EIF2B2: variants seen among roughly 807,000 people sequenced by gnomAD.
EIF2B2 encodes eukaryotic translation initiation factor 2B subunit beta.
Under a neutral mutation model 34.7 loss-of-function variants are expected in EIF2B2, and 34 were observed. That is an observed-to-expected ratio of 0.98 (90% CI 0.75 to 1.31). EIF2B2 has a LOEUF of 1.31. EIF2B2 is among the 50% of genes most tolerant of loss of function. The probability of loss-of-function intolerance (pLI) is 0.00; values close to 1 mark genes in which losing one functional copy is unlikely to be tolerated. For synonymous variants in EIF2B2, 155 were observed against 171.6 expected, an observed-to-expected ratio of 0.90 and a Z score of 0.76; for missense variants, 361 against 447.7, an observed-to-expected ratio of 0.81 and a Z score of 1.75.
chr14:75,005,008 G>C, intron 4 of EIF2B2, 108 bp downstream of exon 4: 1 of 1,134,100 alleles, frequency 8.8e-7, no homozygotes, highest in Non-Finnish European at 1.3e-6. Context: ...AAGACTTTGA[G>C]ACACTGAGAA....
chr14:75,006,596 CCATCCTGGCCAATG>C lies in EIF2B2; in HGVS notation c.714_727del (p.Ile239GlyfsTer38). 1 of 1,614,140 alleles carries C rather than the reference CCATCCTGGCCAATG, an allele frequency of 6.2e-7. No individual in the cohort carries two copies. Among genetic ancestry groups the C allele is most frequent in the Non-Finnish European group, 8.5e-7 (1 of 1,180,044 alleles). ...CCAAAGGTGATCATTGGCACGAAGA[CCATCCTGGCCAATG>C]GGGCCCTGAGAGCTGTGACAGGAAC... On this transcript the variant is annotated frameshift_variant, in exon 6 of 8. Coordinates refer to ENST00000266126, the MANE Select transcript of EIF2B2 (RefSeq NM_014239.4). LOFTEE classifies it high-confidence loss of function. This position sits in a 1 kb window ranked among gnomAD's most constrained non-coding sequence, Gnocchi z 4.1.
At position 75,006,519 on chromosome 14, in the gene EIF2B2, G is replaced by A; in HGVS notation, c.694-58G>A. On this transcript the variant is annotated intron_variant, in intron 5 of 7. Transcript: ENST00000266126. The surrounding 1 kb of genome is among the most constrained non-coding windows in gnomAD (Gnocchi z 4.1). ...CTAAGCATTTAGCTTTTTGTGGCCA[G>A]TGGCCCTTTTAGGGCTCCACCCCCA... 6.2e-7 allele frequency: 1 copy of A among 1,607,340 alleles called. No individual in the cohort carries two copies.
intron 3 of EIF2B2, 128 bp downstream of exon 3, chr14:75,003,827 C>T: frequency 7.2e-7 from 1 of 1,393,062 alleles, no homozygotes; most frequent in Non-Finnish European, 9.9e-7. Context: ...GTTTGTCCTC[C>T]TTCCTGATTA....
In EIF2B2 at chr14:75,006,319, T is replaced by C. The variant is rs1276271027; in HGVS notation, c.694-258T>C. On this transcript the variant is annotated intron_variant, in intron 5 of 7. Coordinates refer to ENST00000266126, the MANE Select transcript of EIF2B2 (RefSeq NM_014239.4). This position sits in a 1 kb window ranked among gnomAD's most constrained non-coding sequence, Gnocchi z 4.1. Reference sequence around the variant, plus strand: ...AAGATTCCTGGCTTCTCAGAAGGTATGGCATCTCAATTTCCAGAAAATATG... The same window carrying C: ...AAGATTCCTGGCTTCTCAGAAGGTACGGCATCTCAATTTCCAGAAAATATG... The C allele has an allele frequency of 2.8e-5, 16 of 581,268 alleles. No homozygotes were observed. The highest frequency in any genetic ancestry group is 6.0e-5 in the East Asian group (2 of 33,602). 36.0% of individuals were successfully genotyped at this position (581,268 alleles called of 1,614,324 possible).
In EIF2B2 at chr14:75,006,864, C is replaced by A; in HGVS notation, c.831+150C>A. 2 of 1,164,048 alleles carry A rather than the reference C, an allele frequency of 1.7e-6. No homozygotes were observed. The highest frequency in any genetic ancestry group is 2.5e-6 in the Non-Finnish European group (2 of 787,452). The allele number at this position is 1,164,048 out of a possible 1,614,324, so 72.1% of individuals were successfully genotyped here. A position where few individuals can be genotyped will look rare whatever the true frequency, so the allele number is the denominator to read the frequency against. On this transcript the variant is annotated intron_variant, in intron 6 of 7. Coordinates refer to ENST00000266126, the MANE Select transcript of EIF2B2 (RefSeq NM_014239.4). The surrounding 1 kb of genome is among the most constrained non-coding windows in gnomAD (Gnocchi z 4.1). ...TACACCCAGTGGAGGCTGGAAAGAA[C>A]CACAGAAGTCTTGATTCAGTAAAAC...
chr14:75,010,412 T>G lies in EIF2B2; in HGVS notation c.*1224T>G, dbSNP rs1038505714. The G allele has an allele frequency of 2.6e-5, 4 of 152,232 alleles. No individual in the cohort carries two copies. The highest frequency in any genetic ancestry group is 9.7e-5 in the African/African-American group (4 of 41,446). 9.4% of individuals were successfully genotyped at this position (152,232 alleles called of 1,614,324 possible). A position where few individuals can be genotyped will look rare whatever the true frequency, so the allele number is the denominator to read the frequency against. On this transcript the variant is annotated 3_prime_UTR_variant, in exon 8 of 8. Coordinates refer to ENST00000266126, the MANE Select transcript of EIF2B2 (RefSeq NM_014239.4). Reference sequence around the variant, plus strand: ...CCAGCAATAGGAGAAAGGTTAAGTATTGACAGTTACACCGTGGAACATTAT... The same window carrying G: ...CCAGCAATAGGAGAAAGGTTAAGTAGTGACAGTTACACCGTGGAACATTAT...
Position 75,003,542 on chromosome 14 carries a change from C to G in EIF2B2, c.285-9C>G. 6.2e-7 allele frequency: 1 copy of G among 1,614,136 alleles called. No individual in the cohort carries two copies. The highest frequency in any genetic ancestry group is 8.5e-7 in the Non-Finnish European group (1 of 1,180,030). On this transcript the variant is annotated splice_polypyrimidine_tract_variant and intron_variant, in intron 2 of 7. Transcript: ENST00000266126. ...CCACCTCTCTCTTTGGGTCTTGTTGCCTCTATAGACTCCATGGACGCAGCG... is the reference window on the plus strand; with the variant it reads ...CCACCTCTCTCTTTGGGTCTTGTTGGCTCTATAGACTCCATGGACGCAGCG...
rs779998988 is a variant in EIF2B2 at position 75,009,137 on chromosome 14, C to T, written c.1005C>T (p.Tyr335=). ...ACATTGGTGGGAATGCACCTTCCTA[C>T]ATCTACCGCCTGATGAGTGAACTCT... ...ISNIGGNAPS[Y]IYRLMSELYH... Residue 335 remains tyrosine, a synonymous_variant, in exon 8 of 8, where the codon TAC becomes TAT. Transcript: ENST00000266126. 2.5e-6 allele frequency: 4 copies of T among 1,614,132 alleles called. No homozygotes were observed. Among genetic ancestry groups the T allele is most frequent in the Non-Finnish European group, 3.4e-6 (4 of 1,180,020 alleles).
Position 75,009,267 on chromosome 14 carries a change from A to G in EIF2B2, c.*79A>G. 2 of 1,560,912 alleles carry G rather than the reference A, an allele frequency of 1.3e-6. No individual in the cohort carries two copies. Among genetic ancestry groups the G allele is most frequent in the Non-Finnish European group, 1.8e-6 (2 of 1,136,186 alleles). On this transcript the variant is annotated 3_prime_UTR_variant, in exon 8 of 8. Coordinates refer to ENST00000266126, the MANE Select transcript of EIF2B2 (RefSeq NM_014239.4). ...GACTTGAGTGTTGCTGCTGAAGCAC[A>G]TCCTTGCAATGTGGGAGTGCACAGG...
Position 75,006,579 on chromosome 14 carries a change from G to A in EIF2B2, c.696G>A (p.Val232=). The change falls in exon 6 of 8, where the codon GTG becomes GTA. Residue 232 remains valine (V), a splice_region_variant and synonymous_variant. Transcript: ENST00000266126. The surrounding 1 kb of genome is among the most constrained non-coding windows in gnomAD (Gnocchi z 4.1). ...IFAVMSRVNK[V]IIGTKTILAN... is the part of the protein sequence containing the mutation. ...ACATTTTTTGTCTTGTCCCAAAGGTGATCATTGGCACGAAGACCATCCTGG... is the reference window on the plus strand; with the variant it reads ...ACATTTTTTGTCTTGTCCCAAAGGTAATCATTGGCACGAAGACCATCCTGG... 6.2e-7 allele frequency: 1 copy of A among 1,613,934 alleles called. No individual in the cohort carries two copies. Among genetic ancestry groups the A allele is most frequent in the Non-Finnish European group, 8.5e-7 (1 of 1,180,028 alleles).
chr14:75,003,449 GC>G, intron 2 of EIF2B2, 54 bp downstream of exon 2: 1 of 1,613,936 alleles, frequency 6.2e-7, no homozygotes, highest in Non-Finnish European at 8.5e-7. Context: ...TTTTGCACGG[GC>G]CCCTCTACCT....
At position 75,003,333 on chromosome 14, in the gene EIF2B2, C is replaced by T. The variant is rs780409528; in HGVS notation, c.222C>T (p.Ser74=). The change falls in exon 2 of 8, where the codon TCC becomes TCT. Residue 74 remains serine (S), a synonymous_variant. Transcript: ENST00000266126. ...EGRRMTAAQP[S]ETTVGNMVRR... ...GGAGGATGACGGCCGCTCAGCCCTC[C>T]GAGACCACCGTGGGCAACATGGTGC... 3.1e-6 allele frequency: 5 copies of T among 1,613,906 alleles called. No individual in the cohort carries two copies. In the Admixed American group the frequency reaches 8.3e-5, roughly 27 times the overall value.
chr14:75,005,792 C>G (rs750640319), intron 4 of EIF2B2, 74 bp from the exon 5 acceptor site: 1 of 1,120,898 alleles, frequency 8.9e-7, no homozygotes, highest in Non-Finnish European at 1.4e-6. Context: ...TTCCCCAGAT[C>G]CAGTTACATT....
In EIF2B2 at chr14:75,002,933, T is replaced by TGTGTGGTCTGGCAG. The variant is rs1476945202; in HGVS notation, c.-51_-38dup. The TGTGTGGTCTGGCAG allele has an allele frequency of 5.0e-6, 8 of 1,612,148 alleles. No homozygotes were observed. The highest frequency in any genetic ancestry group is 6.8e-6 in the Non-Finnish European group (8 of 1,179,706). ...CCTCGCCCGCCCCGGAAGTGCAAAC[T>TGTGTGGTCTGGCAG]GTGTGGTCTGGCAGGTGTGGATTCC... On this transcript the variant is annotated 5_prime_UTR_variant, in exon 1 of 8. Coordinates refer to ENST00000266126, the MANE Select transcript of EIF2B2 (RefSeq NM_014239.4).
chr14:75,003,022 T>TGTCAGAGAGGATCGAGAGCTTC lies in EIF2B2; in HGVS notation c.35_56dup (p.Glu20ArgfsTer92). On this transcript the variant is annotated frameshift_variant, in exon 1 of 8. Transcript: ENST00000266126. LOFTEE classifies it high-confidence loss of function. ...GGATCCGCAGCGAAGGGCTCGGAGTTGTCAGAGAGGATCGAGAGCTTCGTG... is the reference window on the plus strand; with the variant it reads ...GGATCCGCAGCGAAGGGCTCGGAGTTGTCAGAGAGGATCGAGAGCTTCGTCAGAGAGGATCGAGAGCTTCGTG... The TGTCAGAGAGGATCGAGAGCTTC allele has an allele frequency of 6.2e-7, 1 of 1,614,092 alleles. No individual in the cohort carries two copies. Among genetic ancestry groups the TGTCAGAGAGGATCGAGAGCTTC allele is most frequent in the Non-Finnish European group, 8.5e-7 (1 of 1,180,004 alleles).
chr14:75,004,544 G>A (rs1484335519), intron 3 of EIF2B2, among the ~76,000 whole-genome samples, 193 bp from the exon 4 acceptor site: 1 of 151,424 alleles, frequency 6.6e-6, no homozygotes, highest in Non-Finnish European at 1.5e-5. Flanking sequence ...AAAAGAAATT[G>A]TGACATTTCA....
intron 7 of EIF2B2, 94 bp from the exon 8 acceptor site, chr14:75,008,937 T>C (rs796126953): frequency 1.9e-6 from 3 of 1,543,080 alleles, no homozygotes; most frequent in South Asian, 1.1e-5. Flanking sequence ...GGGGAGCTAA[T>C]ATGCCTGCAT....
Position 75,010,161 on chromosome 14 carries a change from T to C in EIF2B2, c.*973T>C, listed in dbSNP as rs1454406638. 6.6e-6 allele frequency: 1 copy of C among 152,182 alleles called. No individual in the cohort carries two copies. Among genetic ancestry groups the C allele is most frequent in the Non-Finnish European group, 1.5e-5 (1 of 68,046 alleles). 9.4% of individuals were successfully genotyped at this position (152,182 alleles called of 1,614,324 possible). ...ATTCCGATCACTCACTCACACAGTC[T>C]TGGGTTTCATCTCAGTCCTACTGCA... is the stretch of plus-strand genomic sequence containing the variant. On this transcript the variant is annotated 3_prime_UTR_variant, in exon 8 of 8. Coordinates refer to ENST00000266126, the MANE Select transcript of EIF2B2 (RefSeq NM_014239.4).
rs1466875947 is a variant in EIF2B2 at position 75,009,030 on chromosome 14, G to C, written c.899-1G>C. ...CTTTAGCATGTGTGCTTGCCTTTCA[G>C]GGGACATTCTGGAGAAGGTCAGCGT... On this transcript the variant is annotated splice_acceptor_variant, in intron 7 of 7. Transcript: ENST00000266126. LOFTEE classifies it high-confidence loss of function. The C allele has an allele frequency of 1.2e-6, 2 of 1,614,106 alleles. No individual in the cohort carries two copies. The highest frequency in any genetic ancestry group is 2.2e-5 in the South Asian group (2 of 91,076).
Sources: gnomAD v4.1 joint callset for allele counts (sites outside exome capture counted in the v4.1 genomes callset) on GRCh38, gnomAD v4.1.1 for gene constraint, Gnocchi (gnomAD v3.1) non-coding constraint, MANE v1.5 for transcripts, NCBI Gene and HGNC (gene_info 2026-07-23, HGNC 2026-07-21) for gene names.